Variants in PPFIA2 observed in about 807,000 individuals in gnomAD.
PPFIA2 encodes PPFI scaffold protein A2.
A neutral mutation model predicts 175.5 loss-of-function variants in PPFIA2; 46 were observed. The observed-to-expected ratio is 0.26, with a 90% CI of 0.21 to 0.34. The LOEUF is 0.34. Among genes scored for constraint, PPFIA2 ranks in the 10% least tolerant of loss-of-function variants. PPFIA2 has a pLI of 1.00. For missense variants in PPFIA2, 1,179 were observed against 1,506.1 expected (o/e 0.78, Z 3.60); for synonymous variants, 568 against 511.4 (o/e 1.11, Z -1.49).
chr12:81,321,261 T>G (rs950171010), intron 22 of PPFIA2, among the ~76,000 whole-genome samples: 1 of 152,086 alleles, frequency 6.6e-6, no homozygotes, highest in African/African-American at 2.4e-5. Context: ...TCTAATGACT[T>G]AAGGAATTTG....
rs765167746 is a variant in PPFIA2, at chr12:81,258,751, A to G, written c.*943T>C. On this transcript the variant is annotated 3_prime_UTR_variant, in exon 33 of 33. Coordinates refer to ENST00000549396, the MANE Select transcript of PPFIA2 (RefSeq NM_003625.5). ...AGGTATCTTGGGTTTCGTTTTCTCT[A>G]GTGGAAATGAGCCTCAGACTCTGCG... 14 of 152,096 alleles carry G rather than the reference A, an allele frequency of 9.2e-5. No individual in the cohort carries two copies. The highest frequency in any genetic ancestry group is 7.9e-4 in the Admixed American group (12 of 15,238). 9.4% of individuals were successfully genotyped at this position (152,096 alleles called of 1,614,324 possible).
chr12:81,266,597 A>G (rs2037330912), intron 30 of PPFIA2, among the ~76,000 whole-genome samples: 1 of 152,184 alleles, frequency 6.6e-6, no homozygotes, highest in South Asian at 2.1e-4. Flanking sequence ...TATTTAAGAA[A>G]TACACGCACT....
chr12:81,669,336 TATC>T, intron 4 of PPFIA2, among the ~76,000 whole-genome samples: 1 of 152,004 alleles, frequency 6.6e-6, no homozygotes, highest in East Asian at 1.9e-4. Context: ...CTGCTAGAGT[TATC>T]ATTGTGAGCA....
intron 6 of PPFIA2, among the ~76,000 whole-genome samples, chr12:81,444,269 T>A (rs1197810474): frequency 6.6e-6 from 1 of 152,212 alleles, no homozygotes; most frequent in African/African-American, 2.4e-5. Flanking sequence ...TTTTCATTGA[T>A]ATGTGAATTC....
At chr12:81,503,519 T>C (rs533154562) in intron 4 of PPFIA2, among the ~76,000 whole-genome samples, 11 of 147,774 alleles carry the variant, frequency 7.4e-5, no homozygotes, top group Middle Eastern at 3.6e-3. Flanking sequence ...AGTCTAGATA[T>C]ACAGGATTAC....
At chr12:81,452,267 C>A (rs2052721712) in intron 5 of PPFIA2, among the ~76,000 whole-genome samples, 1 of 152,126 alleles carries the variant, frequency 6.6e-6, no homozygotes, top group African/African-American at 2.4e-5. Context: ...CCTATTAGAT[C>A]TTAATTCAAC....
Position 81,354,028 on chromosome 12 carries a change from A to G in PPFIA2, c.1774-689T>C, listed in dbSNP as rs2060472258. Among the ~76,000 whole-genome samples the G allele has an allele frequency of 2.6e-5, 4 of 152,316 alleles. No homozygotes were observed. In the South Asian group the frequency reaches 8.3e-4, roughly 32 times the overall value. The stretch of plus-strand genomic sequence containing the variant: ...AAAAATGAACATACCTTCATTAAAA[A>G]TACTTTATAGCTAAAAAATGCTAAT... On this transcript the variant is annotated intron_variant, in intron 16 of 32. Transcript: ENST00000549396.
At chr12:81,510,808 C>T (rs1445792112) in intron 4 of PPFIA2, among the ~76,000 whole-genome samples, 1 of 151,986 alleles carries the variant, frequency 6.6e-6, no homozygotes, top group Non-Finnish European at 1.5e-5. Flanking sequence ...ATTGCTATTA[C>T]AAACAAAATA....
chr12:81,371,910 AAC>A (rs56726535), intron 11 of PPFIA2, among the ~76,000 whole-genome samples: 19,682 of 145,532 alleles, frequency 0.14, 2,018 homozygotes, highest in East Asian at 0.4. Flanking sequence ...CACACACACA[AAC>A]ACACACACAC....
intron 4 of PPFIA2, among the ~76,000 whole-genome samples, chr12:81,635,239 ACT>A (rs1483514938): frequency 6.6e-6 from 1 of 152,026 alleles, no homozygotes; most frequent in African/African-American, 2.4e-5. Context: ...TTTCTTTATA[ACT>A]CTCTTTGCAT....
At chr12:81,656,217 ATT>A (rs1248921010) in intron 4 of PPFIA2, among the ~76,000 whole-genome samples, 3 of 152,046 alleles carry the variant, frequency 2.0e-5, no homozygotes, top group Non-Finnish European at 2.9e-5. Flanking sequence ...GTATTTTAGA[ATT>A]TTTTTGTAAA....
At chr12:81,305,845 T>G (rs2049005700) in intron 22 of PPFIA2, among the ~76,000 whole-genome samples, 1 of 152,218 alleles carries the variant, frequency 6.6e-6, no homozygotes, top group African/African-American at 2.4e-5. Context: ...AGTGTTTATA[T>G]TTGCAATTCT....
intron 3 of PPFIA2, among the ~76,000 whole-genome samples, chr12:81,678,208 G>A (rs895212641): frequency 6.6e-6 from 1 of 151,754 alleles, no homozygotes; most frequent in Non-Finnish European, 1.5e-5. Flanking sequence ...AAGCAAAAAA[G>A]AAGGATAATT....
At chr12:81,351,899 C>T (rs925221592) in intron 17 of PPFIA2, among the ~76,000 whole-genome samples, 2 of 151,614 alleles carry the variant, frequency 1.3e-5, no homozygotes, top group East Asian at 3.9e-4. Context: ...GTGTGAGACC[C>T]TATTTAAATA....
intron 8 of PPFIA2, among the ~76,000 whole-genome samples, chr12:81,399,783 C>T (rs892675735): frequency 1.3e-5 from 2 of 152,020 alleles, no homozygotes; most frequent in Non-Finnish European, 2.9e-5. Context: ...GAGAAACATT[C>T]AAGTCGTTAT....
intron 3 of PPFIA2, among the ~76,000 whole-genome samples, chr12:81,740,000 G>A (rs1296859894): frequency 1.3e-5 from 2 of 152,220 alleles, no homozygotes; most frequent in East Asian, 1.9e-4. Context: ...GCAGAGCTGG[G>A]AGCCAAGAGC....
intron 4 of PPFIA2, among the ~76,000 whole-genome samples, chr12:81,485,686 AAC>A (rs1441875876): frequency 6.6e-6 from 1 of 151,982 alleles, no homozygotes; most frequent in Admixed American, 6.6e-5. Flanking sequence ...AGAAATGTAT[AAC>A]ACAAGTCACA....
intron 6 of PPFIA2, 78 bp from the exon 7 acceptor site, chr12:81,440,124 A>G: frequency 1.9e-6 from 2 of 1,060,504 alleles, no homozygotes; most frequent in Non-Finnish European, 2.7e-6. Flanking sequence ...AATTAACATC[A>G]TCAGAGACAG....
chr12:81,357,941 T>C (rs1322966410), intron 16 of PPFIA2, 141 bp downstream of exon 16: 11 of 885,010 alleles, frequency 1.2e-5, no homozygotes, highest in Non-Finnish European at 1.6e-5. Context: ...TTACTTATAG[T>C]TTTTTTAAAA....
Sources: gnomAD v4.1 joint callset for allele counts (sites outside exome capture counted in the v4.1 genomes callset) on GRCh38, gnomAD v4.1.1 for gene constraint, MANE v1.5 for transcripts, NCBI Gene and HGNC (gene_info 2026-07-23, HGNC 2026-07-21) for gene names.